The following FUT8 variants were observed in gnomAD, a reference collection of about 807,000 sequenced individuals.
FUT8 encodes fucosyltransferase 8, also known as alpha-(1,6)-fucosyltransferase.
A neutral mutation model predicts 71.3 loss-of-function variants in FUT8; 29 were observed. The observed-to-expected ratio is 0.41, with a 90% CI of 0.30 to 0.55. FUT8 has a LOEUF of 0.55. Ranked by LOEUF, FUT8 falls within the 20% of genes least tolerant of loss-of-function variation. The pLI, the probability that FUT8 is intolerant of heterozygous loss-of-function variation, is 0.34. For synonymous variants in FUT8, 254 were observed against 239.3 expected (o/e 1.06, Z -0.57); for missense variants, 544 against 702.1 (o/e 0.77, Z 2.55).
rs144702285 is a variant in FUT8 at position 65,695,619 on chromosome 14, A to G, written c.835+26139A>G. Among the ~76,000 whole-genome samples the G allele has an allele frequency of 1.5e-3, 234 of 151,980 alleles. No homozygotes were observed. The East Asian group carries it at 0.024, about 16-fold the overall frequency. On this transcript the variant is annotated intron_variant, in intron 7 of 10. Coordinates refer to ENST00000673929, the MANE Select transcript of FUT8 (RefSeq NM_001371533.1). ...AACCTTTTACTTTTAACCTATGTGT[A>G]TATCTTCACATTTAAAGTGGATTTT...
intron 2 of FUT8, chr14:65,458,181 C>CA (rs57430489): frequency 0.47 from 58,193 of 123,874 alleles, 13,361 homozygotes; most frequent in Non-Finnish European, 0.54. Context: ...GACTCCGTCT[C>CA]AAAAAAAAAA....
rs541722627 is a variant in FUT8 at position 65,417,738 on chromosome 14, A to G, written c.-326+4524A>G. 5.5e-4 allele frequency among the ~76,000 whole-genome samples: 84 copies of G among 152,336 alleles called. No individual in the cohort carries two copies. In the South Asian group the frequency reaches 8.1e-3, roughly 15 times the overall value. On this transcript the variant is annotated intron_variant, in intron 1 of 10. Coordinates refer to ENST00000673929, the MANE Select transcript of FUT8 (RefSeq NM_001371533.1). ...TAACAAATTATACCAATATAAGGGTAGTGTTAATGTGGTTCAAATTTGCCT... is the reference window on the plus strand; with the variant it reads ...TAACAAATTATACCAATATAAGGGTGGTGTTAATGTGGTTCAAATTTGCCT...
rs773726511 is a variant in FUT8 at position 65,537,449 on chromosome 14, G to A, written c.-227-23888G>A. Among the ~76,000 whole-genome samples the A allele has an allele frequency of 1.1e-4, 16 of 152,066 alleles. No individual in the cohort carries two copies. The East Asian group carries it at 1.7e-3, about 17-fold the overall frequency. ...GTTGCCCAGGATGGAGTGCAGTGGC[G>A]TGATCTCAGCTCACTGTAAGCTCCG... On this transcript the variant is annotated intron_variant, in intron 2 of 10. Coordinates refer to ENST00000673929, the MANE Select transcript of FUT8 (RefSeq NM_001371533.1).
intron 3 of FUT8, among the ~76,000 whole-genome samples, chr14:65,573,735 TAAA>T (rs202204988): frequency 1.5e-5 from 2 of 137,654 alleles, no homozygotes; most frequent in Non-Finnish European, 1.6e-5. Context: ...CCCCCATGTC[TAAA>T]AAAAAAAAAA....
intron 7 of FUT8, among the ~76,000 whole-genome samples, chr14:65,719,687 T>C (rs1443060529): frequency 2.0e-5 from 3 of 152,246 alleles, no homozygotes; most frequent in Non-Finnish European, 4.4e-5. Context: ...AGCCCGATAA[T>C]GCTGTGGTTC....
At chr14:65,538,504 C>T (rs772434018) in intron 2 of FUT8, among the ~76,000 whole-genome samples, 1 of 152,132 alleles carries the variant, frequency 6.6e-6, no homozygotes, top group African/African-American at 2.4e-5. Context: ...TGCATCTGGT[C>T]GACCATCTAT....
chr14:65,477,002 A>T (rs546563662), intron 2 of FUT8, among the ~76,000 whole-genome samples: 11 of 152,226 alleles, frequency 7.2e-5, no homozygotes, highest in Non-Finnish European at 1.5e-4. Flanking sequence ...TCCAAATGTA[A>T]GTCAACCTAA....
chr14:65,633,051 G>C (rs1890289993), intron 6 of FUT8, among the ~76,000 whole-genome samples: 1 of 138,828 alleles, frequency 7.2e-6, no homozygotes, highest in Admixed American at 7.7e-5. Flanking sequence ...TCTTTCCACG[G>C]TCTCCCTCTG....
chr14:65,412,625 G>A (rs986265964), upstream of FUT8: 7 of 296,938 alleles, frequency 2.4e-5, no homozygotes, highest in South Asian at 1.9e-4. Flanking sequence ...CGAGGAAGGG[G>A]GCGGGGAGAA....
At chr14:65,370,700 C>A in the FUT8 span, among the ~76,000 whole-genome samples, 3 of 151,478 alleles carry the variant, frequency 2.0e-5, no homozygotes, top group Non-Finnish European at 4.4e-5. Flanking sequence ...GAAGAAAAAA[C>A]GTTTTCCTCT....
At chr14:65,515,542 T>G (rs1009356124) in intron 2 of FUT8, among the ~76,000 whole-genome samples, 2 of 152,092 alleles carry the variant, frequency 1.3e-5, no homozygotes, top group African/African-American at 4.8e-5. Flanking sequence ...TTGTAAAATC[T>G]ACTGAAAATT....
chr14:65,393,162 A>G, the FUT8 span, among the ~76,000 whole-genome samples: 68 of 152,334 alleles, frequency 4.5e-4, no homozygotes, highest in Non-Finnish European at 8.7e-4. Flanking sequence ...CTGCAGAGCC[A>G]GGGTGGAAGA....
chr14:65,485,644 G>A (rs2066398068), intron 2 of FUT8, among the ~76,000 whole-genome samples: 1 of 152,120 alleles, frequency 6.6e-6, no homozygotes, highest in South Asian at 2.1e-4. Context: ...CACACTTTGA[G>A]CTAATCAGTA....
intron 2 of FUT8, among the ~76,000 whole-genome samples, chr14:65,516,046 C>T (rs1450806992): frequency 6.6e-6 from 1 of 152,040 alleles, no homozygotes; most frequent in Non-Finnish European, 1.5e-5. Flanking sequence ...TGCCTGTAGT[C>T]CCAACTACTC....
chr14:65,704,957 A>ATG (rs1894486958), intron 7 of FUT8, among the ~76,000 whole-genome samples: 1 of 152,234 alleles, frequency 6.6e-6, no homozygotes, highest in Non-Finnish European at 1.5e-5. Context: ...TTTGCAAGGC[A>ATG]TGTCTGTTGC....
intron 3 of FUT8, among the ~76,000 whole-genome samples, chr14:65,584,873 C>T (rs902716633): frequency 6.6e-6 from 1 of 152,212 alleles, no homozygotes; most frequent in African/African-American, 2.4e-5. Context: ...CGTAGTCCTT[C>T]ATTCAGGCTT....
At chr14:65,680,823 T>C (rs1158167717) in intron 7 of FUT8, among the ~76,000 whole-genome samples, 1 of 152,212 alleles carries the variant, frequency 6.6e-6, no homozygotes, top group Non-Finnish European at 1.5e-5. Context: ...AGGCCTTCCA[T>C]GGCTGCTTAG....
chr14:65,618,969 C>T (rs1022384377), intron 5 of FUT8, among the ~76,000 whole-genome samples: 7 of 152,132 alleles, frequency 4.6e-5, no homozygotes, highest in African/African-American at 1.4e-4. Flanking sequence ...CCTGATTTGA[C>T]AGAGTGTGGG....
chr14:65,400,278 C>G, the FUT8 span, among the ~76,000 whole-genome samples: 1 of 152,058 alleles, frequency 6.6e-6, no homozygotes, highest in East Asian at 1.9e-4. Flanking sequence ...ACTTTTTTAC[C>G]CAATCATCAA....
Sources: allele counts gnomAD v4.1 joint callset (sites outside exome capture counted in the v4.1 genomes callset), GRCh38; gene constraint gnomAD v4.1.1; transcripts MANE v1.5; gene names NCBI Gene and HGNC (gene_info 2026-07-23, HGNC 2026-07-21).